WDR72: variants seen among roughly 807,000 people sequenced by gnomAD.
WDR72 encodes the protein WD repeat-containing protein 72.
WDR72 carries 120 observed loss-of-function variants against 124.2 expected under a neutral mutation model. The ratio of observed to expected loss-of-function variants is 0.97; its 90% CI spans 0.83 to 1.12. The LOEUF is 1.12. Among genes scored for constraint, WDR72 ranks in the 50% most tolerant of loss-of-function variants. WDR72 has a pLI of 0.00. For synonymous variants in WDR72, 452 were observed against 441.7 expected, an observed-to-expected ratio of 1.02 and a Z score of -0.29; for missense variants, 1,387 against 1,278.8, an observed-to-expected ratio of 1.08 and a Z score of -1.29.
At chr15:53,745,983 T>A (rs911134427) in intron 1 of WDR72, among the ~76,000 whole-genome samples, 4 of 152,196 alleles carry the variant, frequency 2.6e-5, no homozygotes, top group Non-Finnish European at 4.4e-5. Flanking sequence ...GTGAAATTCC[T>A]TCGTTATTTT....
intron 18 of WDR72, among the ~76,000 whole-genome samples, chr15:53,541,777 C>T (rs1380883951): frequency 8.9e-6 from 1 of 112,902 alleles, no homozygotes; most frequent in Non-Finnish European, 1.8e-5. Flanking sequence ...ACTAGAATAA[C>T]CAATACAGAG....
intron 11 of WDR72, among the ~76,000 whole-genome samples, chr15:53,702,809 C>T (rs1381621714): frequency 2.0e-5 from 3 of 152,140 alleles, no homozygotes; most frequent in East Asian, 1.9e-4. Flanking sequence ...CCAATTCCAG[C>T]GTCACTGAAT....
chr15:53,601,179 G>A (rs1361484737), intron 17 of WDR72, among the ~76,000 whole-genome samples: 3 of 152,108 alleles, frequency 2.0e-5, no homozygotes, highest in Non-Finnish European at 4.4e-5. Context: ...AACCCTGCAT[G>A]CCAGAAGAGA....
intron 14 of WDR72, among the ~76,000 whole-genome samples, chr15:53,626,064 T>G (rs563632131): frequency 1.3e-5 from 2 of 152,138 alleles, no homozygotes; most frequent in Non-Finnish European, 2.9e-5. Flanking sequence ...GTGAAAAAAT[T>G]TGACCTGCCC....
At position 53,689,423 on chromosome 15, in the gene WDR72, C is replaced by T. The variant is rs1429031405; in HGVS notation, c.1765+10327G>A. Among the ~76,000 whole-genome samples the T allele has an allele frequency of 2.0e-5, 3 of 149,624 alleles. 1 individual carries two copies. The highest frequency in any genetic ancestry group is 5.1e-5 in the African/African-American group (2 of 39,424). ...GGGCAAAGGACATGAACAGACACTT[C>T]TCAAAAGAAGACATTTATGCAGCCA... On this transcript the variant is annotated intron_variant, in intron 13 of 19. Transcript: ENST00000360509.
chr15:53,610,592 A>G (rs1050914729), intron 16 of WDR72, among the ~76,000 whole-genome samples: 1 of 151,908 alleles, frequency 6.6e-6, no homozygotes, highest in Non-Finnish European at 1.5e-5. Flanking sequence ...ATATATGAAT[A>G]TATATTTACC....
At position 53,698,513 on chromosome 15, in the gene WDR72, C is replaced by A. The variant is rs777130042; in HGVS notation, c.1765+1237G>T. ...CATTGTAGGTATTAGCTCATTTAAT[C>A]CTGATAGGAAGGCAGTATTATTACC... is the stretch of plus-strand genomic sequence containing the variant. On this transcript the variant is annotated intron_variant, in intron 13 of 19. Transcript: ENST00000360509. Among the ~76,000 whole-genome samples the A allele has an allele frequency of 1.1e-4, 16 of 152,108 alleles. 1 individual carries two copies. The highest frequency in any genetic ancestry group is 3.2e-3 in the Middle Eastern group (1 of 316).
In WDR72 at chr15:53,626,010, T is replaced by TA. The variant is rs1231170336; in HGVS notation, c.1963-9768dup. Among the ~76,000 whole-genome samples, 4 of 152,350 alleles carry TA rather than the reference T, an allele frequency of 2.6e-5. No individual in the cohort carries two copies. The East Asian group carries it at 7.7e-4, about 29-fold the overall frequency. ...CGTACTTTCTAGCAACATGTTCTGA[T>TA]AACTTCTTTCTCAAAACATTTTGGA... On this transcript the variant is annotated intron_variant, in intron 14 of 19. Coordinates refer to ENST00000360509, the MANE Select transcript of WDR72 (RefSeq NM_182758.4).
chr15:53,536,027 T>C (rs1321371534), intron 18 of WDR72, among the ~76,000 whole-genome samples: 2 of 152,106 alleles, frequency 1.3e-5, no homozygotes, highest in Admixed American at 1.3e-4. Context: ...TGAATCTGAG[T>C]CCAGAAAACA....
At position 53,675,197 on chromosome 15, in the gene WDR72, G is replaced by T. The variant is rs2016126472; in HGVS notation, c.1766-9429C>A. Among the ~76,000 whole-genome samples, 3 of 152,018 alleles carry T rather than the reference G, an allele frequency of 2.0e-5. 1 individual carries two copies. Among genetic ancestry groups the T allele is most frequent in the South Asian group, 4.1e-4 (2 of 4,822 alleles). ...ATCTCTACTAAAATACACAAAATTA[G>T]CCGGGCATGGTGGCACATGCCTGTA... On this transcript the variant is annotated intron_variant, in intron 13 of 19. Coordinates refer to ENST00000360509, the MANE Select transcript of WDR72 (RefSeq NM_182758.4).
chr15:53,577,629 C>T (rs2011684363), intron 18 of WDR72, among the ~76,000 whole-genome samples: 1 of 152,058 alleles, frequency 6.6e-6, no homozygotes, highest in Non-Finnish European at 1.5e-5. Context: ...AATGTTTATC[C>T]TCACGGATGC....
chr15:53,668,932 GAGGAGGAGGAGGAGC>G (rs1567015961), intron 13 of WDR72, among the ~76,000 whole-genome samples: 3 of 54,656 alleles, frequency 5.5e-5, no homozygotes, highest in Non-Finnish European at 1.5e-4. Context: ...GAGGAAGGAG[GAGGAGGAGGAGGAGC>G]AGGAGGAGGA....
intron 1 of WDR72, among the ~76,000 whole-genome samples, chr15:53,742,362 C>G (rs530059467): frequency 2.0e-5 from 3 of 152,224 alleles, no homozygotes; most frequent in South Asian, 2.1e-4. Context: ...ATGTTCCTGA[C>G]AGAAGTACAC....
intron 1 of WDR72, among the ~76,000 whole-genome samples, chr15:53,735,964 C>T (rs935145507): frequency 6.6e-6 from 1 of 151,440 alleles, no homozygotes; most frequent in African/African-American, 2.4e-5. Context: ...CTCAAAAGGA[C>T]AAATCAGAAT....
At chr15:53,681,216 C>T (rs1036581431) in intron 13 of WDR72, among the ~76,000 whole-genome samples, 5 of 152,172 alleles carry the variant, frequency 3.3e-5, no homozygotes, top group African/African-American at 9.7e-5. Flanking sequence ...CTGAGTCTTG[C>T]GTTTCCAATT....
At chr15:53,736,920 G>C (rs144042729) in intron 1 of WDR72, among the ~76,000 whole-genome samples, 85 of 151,722 alleles carry the variant, frequency 5.6e-4, no homozygotes, top group African/African-American at 1.8e-3. Flanking sequence ...TAGAAATATG[G>C]AAAGGAAAAA....
chr15:53,715,479 T>G (rs887632106), intron 4 of WDR72, 112 bp from the exon 5 acceptor site: 70 of 1,270,010 alleles, frequency 5.5e-5, no homozygotes, highest in Non-Finnish European at 7.6e-5. Flanking sequence ...AATTAAGGTA[T>G]TGAACTGAAT....
chr15:53,694,760 G>T (rs552139403), intron 13 of WDR72, among the ~76,000 whole-genome samples: 24 of 152,158 alleles, frequency 1.6e-4, no homozygotes, highest in Non-Finnish European at 2.8e-4. Flanking sequence ...GGTAAAATGG[G>T]TATAACTATA....
chr15:53,552,490 T>C (rs956975329), intron 18 of WDR72, among the ~76,000 whole-genome samples: 9 of 152,204 alleles, frequency 5.9e-5, no homozygotes, highest in African/African-American at 1.9e-4. Context: ...CAATCTGCTA[T>C]TGAAGCAGTC....
Sources: gnomAD v4.1 joint callset for allele counts (sites outside exome capture counted in the v4.1 genomes callset) on GRCh38, gnomAD v4.1.1 for gene constraint, MANE v1.5 for transcripts, NCBI Gene and HGNC (gene_info 2026-07-23, HGNC 2026-07-21) for gene names.